The following SFRP4 variants were observed in gnomAD, a reference collection of about 807,000 sequenced individuals.
The protein encoded by SFRP4 is secreted frizzled-related protein 4.
In SFRP4, 25 loss-of-function variants were observed where a neutral mutation model predicts 36.3. The ratio of observed to expected loss-of-function variants is 0.69; its 90% CI spans 0.50 to 0.96. SFRP4 has a LOEUF of 0.96. Ranked by LOEUF, SFRP4 falls within the 40% of genes least tolerant of loss-of-function variation. The pLI is 0.00. For missense variants in SFRP4, 487 were observed against 459.6 expected, an observed-to-expected ratio of 1.06 and a Z score of -0.54; for synonymous variants, 182 against 168.8, an observed-to-expected ratio of 1.08 and a Z score of -0.60.
rs568697116 is a variant in SFRP4 at position 37,908,413 on chromosome 7, G to T, written c.856-749C>A. Among the ~76,000 whole-genome samples the T allele has an allele frequency of 1.9e-4, 29 of 152,328 alleles. No individual in the cohort carries two copies. The East Asian group carries it at 4.8e-3, about 25-fold the overall frequency. On this transcript the variant is annotated intron_variant, in intron 5 of 5. Transcript: ENST00000436072. ...GCCAAAAGTTTGACCACAGTCATCAGCTGGGTATTATTCTAGGCACTAGGA... is the reference window on the plus strand; with the variant it reads ...GCCAAAAGTTTGACCACAGTCATCATCTGGGTATTATTCTAGGCACTAGGA...
Position 37,916,585 on chromosome 7 carries a change from C to G in SFRP4, c.-48G>C. ...ACCCCGGCAGACAGAAAGCGCCCTT[C>G]TCTTCCTGCCACCCTCATCTTTCGC... On this transcript the variant is annotated 5_prime_UTR_variant, in exon 1 of 6. Coordinates refer to ENST00000436072, the MANE Select transcript of SFRP4 (RefSeq NM_003014.4). This position sits in a 1 kb window ranked among gnomAD's most constrained non-coding sequence, Gnocchi z 4.1. 2 of 1,571,436 alleles carry G rather than the reference C, an allele frequency of 1.3e-6. No homozygotes were observed. Among genetic ancestry groups the G allele is most frequent in the Non-Finnish European group, 1.7e-6 (2 of 1,161,502 alleles).
chr7:37,913,974 T>G (rs1785534286), intron 3 of SFRP4, among the ~76,000 whole-genome samples: 1 of 152,224 alleles, frequency 6.6e-6, no homozygotes, highest in South Asian at 2.1e-4. Flanking sequence ...ATCTGATGCA[T>G]GTAATTTTTA....
At chr7:37,910,906 G>A (rs1032146174) in intron 4 of SFRP4, among the ~76,000 whole-genome samples, 3 of 152,128 alleles carry the variant, frequency 2.0e-5, no homozygotes, top group South Asian at 2.1e-4. Context: ...CCAGGTTTGC[G>A]GGTCTCATAA....
rs559060731 is a variant in SFRP4 at position 37,911,631 on chromosome 7, G to A, written c.791+488C>T. Reference sequence around the variant, plus strand: ...GATTTGAATTGAGAATCACATATCCGATTCAGAAATCACCTTAAAGTGTGT... The same window carrying A: ...GATTTGAATTGAGAATCACATATCCAATTCAGAAATCACCTTAAAGTGTGT... On this transcript the variant is annotated intron_variant, in intron 4 of 5. Coordinates refer to ENST00000436072, the MANE Select transcript of SFRP4 (RefSeq NM_003014.4). Among the ~76,000 whole-genome samples, 4 of 146,510 alleles carry A rather than the reference G, an allele frequency of 2.7e-5. No individual in the cohort carries two copies. In the South Asian group the frequency reaches 6.6e-4, roughly 24 times the overall value.
rs1785571620 is a variant in SFRP4 at position 37,916,136 on chromosome 7, G to A, written c.402C>T (p.Gly134=). Residue 134 remains glycine (G), a synonymous_variant, in exon 1 of 6, where the codon GGC becomes GGT. Transcript: ENST00000436072. This position sits in a 1 kb window ranked among gnomAD's most constrained non-coding sequence, Gnocchi z 4.1. ...ACDELPVYDR[G]VCISPEAIVT... ...CGATGGCTTCAGGCGAGATGCACAC[G>A]CCACGGTCATAGACAGGCAGCTCGT... is the stretch of plus-strand genomic sequence containing the variant. 1.9e-6 allele frequency: 3 copies of A among 1,614,000 alleles called. No homozygotes were observed. The East Asian group carries it at 6.7e-5, about 36-fold the overall frequency.
At position 37,916,160 on chromosome 7, in the gene SFRP4, G is replaced by A; in HGVS notation, c.378C>T (p.Asp126=). The change falls in exon 1 of 6, where the codon GAC becomes GAT. Residue 126 remains aspartate (D), a synonymous_variant. Coordinates refer to ENST00000436072, the MANE Select transcript of SFRP4 (RefSeq NM_003014.4). This position sits in a 1 kb window ranked among gnomAD's most constrained non-coding sequence, Gnocchi z 4.1. ...CGCCACGGTCATAGACAGGCAGCTC[G>A]TCGCAGGCCAGGCTTTCGGGCCAGC... ...NHSWPESLAC[D]ELPVYDRGVC... is the part of the protein sequence containing the mutation. 1.9e-6 allele frequency: 3 copies of A among 1,614,110 alleles called. No individual in the cohort carries two copies. Among genetic ancestry groups the A allele is most frequent in the Non-Finnish European group, 2.5e-6 (3 of 1,180,046 alleles).
At chr7:37,911,994 G>T in intron 4 of SFRP4, 125 bp downstream of exon 4, 1 of 659,644 alleles carries the variant, frequency 1.5e-6, no homozygotes, top group Non-Finnish European at 2.6e-6. Flanking sequence ...AGAGGCATCT[G>T]TTAAACTAAT....
chr7:37,907,916 G>A (rs1212945528), intron 5 of SFRP4, among the ~76,000 whole-genome samples: 2 of 152,110 alleles, frequency 1.3e-5, no homozygotes, highest in African/African-American at 4.8e-5. Flanking sequence ...ACAGGGGCAG[G>A]AAACAAGCCC....
intron 3 of SFRP4, 121 bp from the exon 4 acceptor site, chr7:37,912,438 C>T (rs1785509402): frequency 1.3e-6 from 1 of 778,634 alleles, no homozygotes; most frequent in South Asian, 1.7e-5. Flanking sequence ...TGGTTATGTC[C>T]AAGTGGCCTG....
At chr7:37,915,426 A>T (rs1367271925) in intron 1 of SFRP4, among the ~76,000 whole-genome samples, 1 of 152,228 alleles carries the variant, frequency 6.6e-6, no homozygotes. Flanking sequence ...AAAAGAATGC[A>T]AAAATATTCC....
chr7:37,915,964 C>G, intron 1 of SFRP4, 129 bp downstream of exon 1: 1 of 1,356,600 alleles, frequency 7.4e-7, no homozygotes, highest in Non-Finnish European at 9.8e-7. Flanking sequence ...AAATGTTTCC[C>G]CCATTCTTTC....
chr7:37,906,468 T>G lies in SFRP4; in HGVS notation c.*1011A>C, dbSNP rs1285036361. ...TAATTCTCATTTCAGAGGTGGAACCTCAACTTTCCTCTCTGTACATTTATA... is the reference window on the plus strand; with the variant it reads ...TAATTCTCATTTCAGAGGTGGAACCGCAACTTTCCTCTCTGTACATTTATA... On this transcript the variant is annotated 3_prime_UTR_variant, in exon 6 of 6. Coordinates refer to ENST00000436072, the MANE Select transcript of SFRP4 (RefSeq NM_003014.4). 6.6e-6 allele frequency: 1 copy of G among 152,224 alleles called. No homozygotes were observed. The highest frequency in any genetic ancestry group is 1.5e-5 in the Non-Finnish European group (1 of 68,028). The allele number at this position is 152,224 out of a possible 1,614,324, so 9.4% of individuals were successfully genotyped here.
At chr7:37,912,937 C>T (rs1191921153) in intron 3 of SFRP4, among the ~76,000 whole-genome samples, 3 of 152,150 alleles carry the variant, frequency 2.0e-5, no homozygotes, top group Non-Finnish European at 4.4e-5. Flanking sequence ...TACTGCCTCC[C>T]GTAGAGTTGT....
intron 5 of SFRP4, among the ~76,000 whole-genome samples, chr7:37,908,326 T>G (rs1394408557): frequency 6.6e-6 from 1 of 152,340 alleles, no homozygotes; most frequent in East Asian, 1.9e-4. Context: ...TGAGTCCACT[T>G]GAATTGACAT....
intron 3 of SFRP4, among the ~76,000 whole-genome samples, chr7:37,913,330 T>G (rs1785523955): frequency 6.6e-6 from 1 of 152,234 alleles, no homozygotes; most frequent in Non-Finnish European, 1.5e-5. Flanking sequence ...ATGTCTGATA[T>G]GTATCCTAAA....
In SFRP4 at chr7:37,912,211, A is replaced by C. The variant is rs761048376; in HGVS notation, c.699T>G (p.Thr233=). The change falls in exon 4 of 6, where the codon ACT becomes ACG. Residue 233 remains threonine (T), a synonymous_variant. Transcript: ENST00000436072. Reference sequence around the variant, plus strand: ...AAGAATTTGTAATGAGCGGGACTTGAGTTCGAGGGATGGGTGATGAGGACT... The same window carrying C: ...AAGAATTTGTAATGAGCGGGACTTGCGTTCGAGGGATGGGTGATGAGGACT... ...IFKSSSPIPR[T]QVPLITNSSC... is the part of the protein sequence containing the mutation. 1.2e-6 allele frequency: 2 copies of C among 1,614,148 alleles called. No individual in the cohort carries two copies. Among genetic ancestry groups the C allele is most frequent in the South Asian group, 2.2e-5 (2 of 91,080 alleles).
intron 3 of SFRP4, among the ~76,000 whole-genome samples, chr7:37,913,018 G>A (rs1785519003): frequency 1.3e-5 from 2 of 152,100 alleles, no homozygotes; most frequent in African/African-American, 4.8e-5. Context: ...CAAAGGACTT[G>A]AATACAAAAT....
Position 37,912,178 on chromosome 7 carries a change from C to T in SFRP4, c.732G>A (p.Gln244=). Residue 244 remains glutamine (Q), a synonymous_variant, in exon 4 of 6, where the codon CAG becomes CAA. Coordinates refer to ENST00000436072, the MANE Select transcript of SFRP4 (RefSeq NM_003014.4). ...QVPLITNSSC[Q]CPHILPHQDV... ...CTTGATGGGGCAGGATGTGTGGACACTGGCAAGAAGAATTTGTAATGAGCG... is the reference window on the plus strand; with the variant it reads ...CTTGATGGGGCAGGATGTGTGGACATTGGCAAGAAGAATTTGTAATGAGCG... The T allele has an allele frequency of 6.2e-7, 1 of 1,614,194 alleles. No individual in the cohort carries two copies. Among genetic ancestry groups the T allele is most frequent in the Non-Finnish European group, 8.5e-7 (1 of 1,180,030 alleles).
intron 5 of SFRP4, 144 bp downstream of exon 5, chr7:37,909,473 G>A (rs1583653634): frequency 4.3e-6 from 2 of 468,856 alleles, no homozygotes; most frequent in Admixed American, 3.8e-5. Flanking sequence ...CACTCTTAAC[G>A]GCCTATTCAA....
Sources: allele counts gnomAD v4.1 joint callset (sites outside exome capture counted in the v4.1 genomes callset), GRCh38; gene constraint gnomAD v4.1.1; non-coding constraint Gnocchi (gnomAD v3.1); transcripts MANE v1.5; gene names NCBI Gene and HGNC (gene_info 2026-07-23, HGNC 2026-07-21).